Variants in CLN3 observed in about 807,000 individuals in gnomAD.
The protein encoded by CLN3 is CLN3 lysosomal/endosomal transmembrane protein, battenin, also known as battenin.
CLN3 carries 49 observed loss-of-function variants against 60.7 expected under a neutral mutation model. The observed-to-expected ratio is 0.81, with a 90% confidence interval of 0.64 to 1.02. The LOEUF (loss-of-function observed/expected upper bound fraction) is 1.02. Among genes scored for constraint, CLN3 ranks in the 50% least tolerant of loss-of-function variants. The pLI, the probability that CLN3 is intolerant of heterozygous loss-of-function variation, is 0.00. For missense variants in CLN3, 516 were observed against 557.4 expected (o/e 0.93, Z 0.75); for synonymous variants, 256 against 245.8 (o/e 1.04, Z -0.39).
rs1408725292 is a variant in CLN3 at position 28,481,972 on chromosome 16, GC to G, written c.1056+132del. On this transcript the variant is annotated intron_variant, in intron 14 of 15. Transcript: ENST00000636147. ...ACTGCACTCCAGCCTGGACGACAGA[GC>G]GAGACTCTGTCTCAAAAAAAAAAAA... 6.2e-6 allele frequency: 4 copies of G among 647,750 alleles called. No individual in the cohort carries two copies. In the African/African-American group the frequency reaches 7.5e-5, roughly 12 times the overall value. The allele number at this position is 647,750 out of a possible 1,614,324, so 40.1% of individuals were successfully genotyped here. A position where few individuals can be genotyped will look rare whatever the true frequency, so the allele number is the denominator to read the frequency against.
At chr16:28,476,894 TG>T (rs1347308410), downstream of CLN3, 1 of 161,080 alleles carries the variant, frequency 6.2e-6, no homozygotes, top group Non-Finnish European at 1.4e-5. Context: ...CTCAGCACTT[TG>T]GGAGGCCAAG....
chr16:28,478,580 C>T (rs1386527251), intron 14 of CLN3, among the ~76,000 whole-genome samples: 1 of 142,056 alleles, frequency 7.0e-6, no homozygotes, highest in Non-Finnish European at 1.5e-5. Context: ...TGTGCCACTG[C>T]ACTCCAGCCT....
chr16:28,488,472 G>T, intron 5 of CLN3, 119 bp downstream of exon 5: 1 of 885,142 alleles, frequency 1.1e-6, no homozygotes, highest in Non-Finnish European at 1.8e-6. Context: ...AGTGCGCCCA[G>T]CCCAGGTCTC....
chr16:28,479,589 A>G (rs1186063453), intron 14 of CLN3: 1 of 157,244 alleles, frequency 6.4e-6, no homozygotes, highest in Non-Finnish European at 1.4e-5. Flanking sequence ...CTCTGTCTCT[A>G]AAAAACAAAA....
chr16:28,479,754 G>T, intron 14 of CLN3: 1 of 209,014 alleles, frequency 4.8e-6, no homozygotes, highest in Non-Finnish European at 1.0e-5. Flanking sequence ...GGGCAACAGA[G>T]CGAGACTCCA....
chr16:28,484,161 G>A lies in CLN3; in HGVS notation c.678-43C>T, dbSNP rs762565580. 7 of 1,471,860 alleles carry A rather than the reference G, an allele frequency of 4.8e-6. No homozygotes were observed. In the Admixed American group the frequency reaches 1.3e-4, roughly 28 times the overall value. The allele number at this position is 1,471,860 out of a possible 1,614,324, so 91.2% of individuals were successfully genotyped here. The stretch of plus-strand genomic sequence containing the variant: ...GCAGGGTCAGAAAACCCTACTGGCT[G>A]GGAAGGTCCCCAGGGACCATCTAGG... On this transcript the variant is annotated intron_variant, in intron 9 of 15. Coordinates refer to ENST00000636147, the MANE Select transcript of CLN3 (RefSeq NM_001042432.2).
chr16:28,486,977 C>A, intron 7 of CLN3: 1 of 397,864 alleles, frequency 2.5e-6, no homozygotes, highest in South Asian at 2.2e-5. Flanking sequence ...GTGGCGTGAT[C>A]TCGGCTCACT....
At position 28,491,540 on chromosome 16, in the gene CLN3, G is replaced by T; in HGVS notation, c.67C>A (p.Pro23Thr). ...TGATGGTCCAACAGAGGGAGCCGGG[G>T]CTCCGGGACGGTCTCCTCCCCTGGG... ...DSEGEETVPE[P>T]RLPLLDHQGA... Residue 23 changes from proline to threonine, a missense_variant, in exon 3 of 16, where the codon CCC becomes ACC. Physicochemically the swap from Pro to Thr is conservative, Grantham distance 38. Coordinates refer to ENST00000636147, the MANE Select transcript of CLN3 (RefSeq NM_001042432.2). 1 of 1,614,102 alleles carries T rather than the reference G, an allele frequency of 6.2e-7. No individual in the cohort carries two copies. Among genetic ancestry groups the T allele is most frequent in the South Asian group, 1.1e-5 (1 of 91,074 alleles).
chr16:28,488,728 C>G, intron 4 of CLN3, 66 bp from the exon 5 acceptor site: 1 of 1,480,608 alleles, frequency 6.8e-7, no homozygotes, highest in East Asian at 2.3e-5. Context: ...GCCTGGCTCC[C>G]GTCCCAGCTC....
intron 2 of CLN3, 61 bp from the exon 3 acceptor site, chr16:28,491,621 C>A: frequency 6.2e-7 from 1 of 1,613,486 alleles, no homozygotes; most frequent in Non-Finnish European, 8.5e-7. Flanking sequence ...CCGCTCCTTG[C>A]GTGTCCTCCC....
downstream of CLN3, chr16:28,475,762 A>G (rs2045987019): frequency 6.6e-6 from 1 of 152,252 alleles, no homozygotes; most frequent in Non-Finnish European, 1.5e-5. Flanking sequence ...AACTGAATGT[A>G]TATTAAAGGT....
In CLN3 at chr16:28,477,586, T is replaced by C. The variant is rs386833703; in HGVS notation, c.1247A>G (p.Asp416Gly). 1.9e-6 allele frequency: 3 copies of C among 1,613,678 alleles called. No homozygotes were observed. The highest frequency in any genetic ancestry group is 2.5e-6 in the Non-Finnish European group (3 of 1,179,964). ...EFAMAATCIS[D>G]TLGISLSGLL... ...CCCCGACAGGGAGATCCCCAGTGTG[T>C]CAGAGATGCAGGTGGCCGCCATTGC... The change falls in exon 16 of 16, where the codon GAC becomes GGC. Residue 416 changes from aspartate to glycine, a missense_variant. Coordinates refer to ENST00000636147, the MANE Select transcript of CLN3 (RefSeq NM_001042432.2).
chr16:28,491,834 G>T lies in CLN3; in HGVS notation c.-75C>A. ...GGGGGCTCCCACGGGAGGGATGAGG[G>T]TCTGCGACAGGTGACAAGGATCAAC... On this transcript the variant is annotated splice_region_variant and 5_prime_UTR_variant, in exon 2 of 16. Transcript: ENST00000636147. The T allele has an allele frequency of 6.4e-7, 1 of 1,563,878 alleles. No homozygotes were observed. The highest frequency in any genetic ancestry group is 8.7e-7 in the Non-Finnish European group (1 of 1,148,166).
chr16:28,487,774 C>A (rs1356201288), intron 5 of CLN3, 33 bp from the exon 6 acceptor site: 9 of 1,571,348 alleles, frequency 5.7e-6, no homozygotes, highest in Non-Finnish European at 7.8e-6. Context: ...GACCGCAGAG[C>A]TTCCAGGGGA....
intron 8 of CLN3, 28 bp from the exon 9 acceptor site, chr16:28,486,518 G>A (rs1257956353): frequency 6.2e-7 from 1 of 1,609,368 alleles, no homozygotes; most frequent in African/African-American, 1.3e-5. Context: ...GGAACATTCA[G>A]GAGGACCTAG....
intron 7 of CLN3, 169 bp downstream of exon 7, chr16:28,487,287 C>T: frequency 2.9e-6 from 2 of 695,262 alleles, no homozygotes; most frequent in Non-Finnish European, 2.7e-6. Context: ...CCACTGCCTA[C>T]CCCTCCAAAT....
intron 9 of CLN3, 153 bp from the exon 10 acceptor site, chr16:28,484,271 G>A (rs2046166084): frequency 3.0e-6 from 2 of 677,548 alleles, no homozygotes; most frequent in South Asian, 3.1e-5. Flanking sequence ...CGCTGTGCGG[G>A]AGAGCTCCAA....
chr16:28,482,596 A>C (rs1354163418), intron 11 of CLN3, 30 bp downstream of exon 11: 1 of 1,614,150 alleles, frequency 6.2e-7, no homozygotes, highest in South Asian at 1.1e-5. Flanking sequence ...AGCAAGCCCC[A>C]CAGGGACATA....
chr16:28,488,512 G>T, intron 5 of CLN3, 79 bp downstream of exon 5: 1 of 1,236,454 alleles, frequency 8.1e-7, no homozygotes, highest in Non-Finnish European at 1.2e-6. Flanking sequence ...GTCCCAGCTG[G>T]GTAGTGAAGG....
Sources: allele counts gnomAD v4.1 joint callset (sites outside exome capture counted in the v4.1 genomes callset), GRCh38; gene constraint gnomAD v4.1.1; transcripts MANE v1.5; gene names NCBI Gene and HGNC (gene_info 2026-07-23, HGNC 2026-07-21).